XYLT1: variants seen among roughly 807,000 people sequenced by gnomAD.
The protein encoded by XYLT1 is beta-D-xylosyltransferase 1.
A neutral mutation model predicts 91.3 loss-of-function variants in XYLT1; 36 were observed. The ratio of observed to expected loss-of-function variants is 0.39; its 90% CI spans 0.30 to 0.52. The LOEUF is 0.52. Among genes scored for constraint, XYLT1 ranks in the 20% least tolerant of loss-of-function variants. The pLI is 0.68. For synonymous variants in XYLT1, 588 were observed against 532.0 expected (o/e 1.11, Z -1.45); for missense variants, 1,242 against 1,284.5 (o/e 0.97, Z 0.51).
intron 3 of XYLT1, among the ~76,000 whole-genome samples, chr16:17,225,669 T>C (rs558671699): frequency 1.4e-4 from 22 of 152,284 alleles, no homozygotes; most frequent in African/African-American, 5.3e-4. Flanking sequence ...GGAATATAAT[T>C]ATGGTGTGAC....
At chr16:17,300,903 G>A (rs766736146) in intron 2 of XYLT1, among the ~76,000 whole-genome samples, 19 of 152,118 alleles carry the variant, frequency 1.2e-4, no homozygotes, top group Non-Finnish European at 2.2e-4. Context: ...TTTAAGCACC[G>A]TCTAGAGCAA....
At chr16:17,296,439 G>A (rs1384407713) in intron 2 of XYLT1, among the ~76,000 whole-genome samples, 1 of 152,108 alleles carries the variant, frequency 6.6e-6, no homozygotes, top group Non-Finnish European at 1.5e-5. Context: ...TAAATTTTGT[G>A]TGGGTGATTA....
intron 5 of XYLT1, among the ~76,000 whole-genome samples, chr16:17,197,040 TACCGTTCAGA>T: frequency 6.8e-6 from 1 of 146,512 alleles, no homozygotes; most frequent in African/African-American, 2.6e-5. Flanking sequence ...TAGATATATA[TACCGTTCAGA>T]ATATCATTCA....
In XYLT1 at chr16:17,377,533, G is replaced by A. The variant is rs774293505; in HGVS notation, c.364-19483C>T. ...ATGGCTTATTTAGCTCACTCCCCAA[G>A]AAGCTTATCACCCCAACCCCACCCC... On this transcript the variant is annotated intron_variant, in intron 1 of 11. Transcript: ENST00000261381. 3.7e-4 allele frequency among the ~76,000 whole-genome samples: 57 copies of A among 152,030 alleles called. 1 individual carries two copies. Among genetic ancestry groups the A allele is most frequent in the Non-Finnish European group, 7.5e-4 (51 of 67,994 alleles).
intron 3 of XYLT1, among the ~76,000 whole-genome samples, chr16:17,247,162 T>C (rs28510226): frequency 0.28 from 42,811 of 151,086 alleles, 7,000 homozygotes; most frequent in Middle Eastern, 0.4. Flanking sequence ...CATTTATTCA[T>C]TCACTCATTC....
At chr16:17,372,543 G>A (rs1268554366) in intron 1 of XYLT1, among the ~76,000 whole-genome samples, 2 of 152,212 alleles carry the variant, frequency 1.3e-5, no homozygotes, top group Non-Finnish European at 2.9e-5. Flanking sequence ...TCAAGAACAA[G>A]TTCCATTAAT....
At chr16:17,441,246 C>G (rs2036528446) in intron 1 of XYLT1, among the ~76,000 whole-genome samples, 1 of 151,890 alleles carries the variant, frequency 6.6e-6, no homozygotes, top group Non-Finnish European at 1.5e-5. Flanking sequence ...GTTATTATCA[C>G]TATCATAATT....
chr16:17,344,315 T>C (rs995779643), intron 2 of XYLT1, among the ~76,000 whole-genome samples: 47 of 144,390 alleles, frequency 3.3e-4, no homozygotes, highest in Middle Eastern at 3.5e-3. Context: ...ACCCCGTCTC[T>C]ACTAAAAAAT....
intron 5 of XYLT1, among the ~76,000 whole-genome samples, chr16:17,195,151 G>A (rs560788419): frequency 1.1e-4 from 16 of 152,322 alleles, no homozygotes; most frequent in Admixed American, 9.8e-4. Context: ...TGGCAAAAGT[G>A]GGCAGGGTGT....
At chr16:17,364,871 A>G (rs903319407) in intron 1 of XYLT1, among the ~76,000 whole-genome samples, 5 of 152,176 alleles carry the variant, frequency 3.3e-5, no homozygotes, top group Non-Finnish European at 5.9e-5. Flanking sequence ...CTGAATCAGA[A>G]TCTCTGGGCA....
intron 3 of XYLT1, among the ~76,000 whole-genome samples, chr16:17,235,926 G>A (rs1351943837): frequency 6.6e-6 from 1 of 152,154 alleles, no homozygotes; most frequent in African/African-American, 2.4e-5. Flanking sequence ...GGGTGCAGTG[G>A]CCCAACTGCT....
intron 2 of XYLT1, among the ~76,000 whole-genome samples, chr16:17,304,416 G>A (rs866407774): frequency 6.6e-6 from 1 of 152,116 alleles, no homozygotes. Flanking sequence ...CTGTCCTCCA[G>A]TCACAGAAAT....
chr16:17,128,542 C>T (rs930955767), intron 9 of XYLT1, among the ~76,000 whole-genome samples: 6 of 152,208 alleles, frequency 3.9e-5, no homozygotes, highest in African/African-American at 9.6e-5. Flanking sequence ...TGAGGCTCTT[C>T]GTGTCTGCAG....
intron 1 of XYLT1, among the ~76,000 whole-genome samples, chr16:17,443,461 T>C (rs1468706289): frequency 1.3e-5 from 2 of 152,092 alleles, no homozygotes; most frequent in Non-Finnish European, 2.9e-5. Context: ...AAACTGACAG[T>C]TTCCCCTGCA....
At chr16:17,339,454 AGTT>A (rs1320682023) in intron 2 of XYLT1, among the ~76,000 whole-genome samples, 1 of 152,220 alleles carries the variant, frequency 6.6e-6, no homozygotes, top group Non-Finnish European at 1.5e-5. Flanking sequence ...AAATTAGGGT[AGTT>A]ATTAGACCTG....
chr16:17,419,811 T>TGA (rs1184481698), intron 1 of XYLT1, among the ~76,000 whole-genome samples: 1 of 152,218 alleles, frequency 6.6e-6, no homozygotes, highest in Non-Finnish European at 1.5e-5. Flanking sequence ...AGAGGGAGCC[T>TGA]GCTTCCTTTG....
chr16:17,174,108 C>T (rs2031887388), intron 5 of XYLT1, among the ~76,000 whole-genome samples: 1 of 152,092 alleles, frequency 6.6e-6, no homozygotes, highest in African/African-American at 2.4e-5. Context: ...TGTGGTTGTT[C>T]CCTGGCTGGC....
intron 1 of XYLT1, among the ~76,000 whole-genome samples, chr16:17,428,286 G>A (rs902308822): frequency 1.3e-5 from 2 of 152,190 alleles, no homozygotes; most frequent in African/African-American, 4.8e-5. Context: ...ACCAGGACTG[G>A]AGTAGCTTTT....
At chr16:17,262,328 G>A (rs2033735135) in intron 2 of XYLT1, among the ~76,000 whole-genome samples, 2 of 152,196 alleles carry the variant, frequency 1.3e-5, no homozygotes, top group South Asian at 4.1e-4. Context: ...GGAAAATAAG[G>A]TTGGGGATGT....
Sources: allele counts gnomAD v4.1 joint callset (sites outside exome capture counted in the v4.1 genomes callset), GRCh38; gene constraint gnomAD v4.1.1; transcripts MANE v1.5; gene names NCBI Gene and HGNC (gene_info 2026-07-23, HGNC 2026-07-21).